SCFD2: variants seen among roughly 807,000 people sequenced by gnomAD.
SCFD2 encodes sec1 family domain-containing protein 2.
A neutral mutation model predicts 58.9 loss-of-function variants in SCFD2; 54 were observed. The observed-to-expected ratio is 0.92, with a 90% confidence interval of 0.74 to 1.15. The LOEUF (loss-of-function observed/expected upper bound fraction) is 1.15. Among genes scored for constraint, SCFD2 ranks in the 50% most tolerant of loss-of-function variants. The probability of loss-of-function intolerance (pLI) is 0.00; values close to 1 mark genes in which losing one functional copy is unlikely to be tolerated. For synonymous variants in SCFD2, 321 were observed against 335.9 expected (o/e 0.96, Z 0.49); for missense variants, 805 against 836.6 (o/e 0.96, Z 0.47).
chr4:53,081,619 T>C (rs1045397531), intron 5 of SCFD2, among the ~76,000 whole-genome samples: 1 of 152,210 alleles, frequency 6.6e-6, no homozygotes, highest in African/African-American at 2.4e-5. Context: ...GGATGACTTT[T>C]AGTTTGTTCA....
At chr4:53,107,076 AT>A (rs1560338634) in intron 5 of SCFD2, among the ~76,000 whole-genome samples, 1 of 152,208 alleles carries the variant, frequency 6.6e-6, no homozygotes, top group African/African-American at 2.4e-5. Context: ...AATATTCAAC[AT>A]TCTTAAAGAA....
At chr4:53,096,435 T>C (rs1442135963) in intron 5 of SCFD2, among the ~76,000 whole-genome samples, 2 of 152,226 alleles carry the variant, frequency 1.3e-5, no homozygotes, top group Admixed American at 1.3e-4. Context: ...TGGTATCTCA[T>C]TGTGGTTTTG....
chr4:53,135,740 C>CAA (rs527621179), intron 5 of SCFD2, among the ~76,000 whole-genome samples: 1 of 143,632 alleles, frequency 7.0e-6, no homozygotes, highest in East Asian at 2.0e-4. Flanking sequence ...GACTCCATCT[C>CAA]AAAAAAAAAA....
chr4:53,173,120 G>C (rs1727227564), intron 4 of SCFD2, among the ~76,000 whole-genome samples: 2 of 152,062 alleles, frequency 1.3e-5, no homozygotes, highest in South Asian at 4.2e-4. Flanking sequence ...TCTCTTTACA[G>C]TTTTTGACTT....
At chr4:53,052,819 C>A (rs1386665885) in intron 5 of SCFD2, among the ~76,000 whole-genome samples, 2 of 152,128 alleles carry the variant, frequency 1.3e-5, no homozygotes, top group Non-Finnish European at 2.9e-5. Flanking sequence ...ACAAACAAAG[C>A]TACTGCGACA....
At chr4:53,237,668 A>T (rs1729687453) in intron 4 of SCFD2, among the ~76,000 whole-genome samples, 1 of 120,424 alleles carries the variant, frequency 8.3e-6, no homozygotes, top group Admixed American at 8.0e-5. Context: ...TCCCTCCCGG[A>T]CGGGGCGGCT....
chr4:53,178,525 T>G (rs867291022), intron 4 of SCFD2, among the ~76,000 whole-genome samples: 1 of 151,684 alleles, frequency 6.6e-6, no homozygotes, highest in Non-Finnish European at 1.5e-5. Flanking sequence ...AGGCCAAAGG[T>G]AGATAAAACC....
At chr4:53,004,738 G>GACTTC (rs1721936137) in intron 5 of SCFD2, among the ~76,000 whole-genome samples, 1 of 152,060 alleles carries the variant, frequency 6.6e-6, no homozygotes. Flanking sequence ...AACTTCCTGT[G>GACTTC]GTGAATCCCC....
rs1466684760 is a variant in SCFD2 at position 53,258,561 on chromosome 4, TATATATATATATATATAC to T, written c.1311+15247_1311+15264del. On this transcript the variant is annotated intron_variant, in intron 4 of 8. Coordinates refer to ENST00000401642, the MANE Select transcript of SCFD2 (RefSeq NM_152540.4). Reference sequence around the variant, plus strand: ...GTGTATATATATATATATATATATATATATATATATATATATACACACACATATATACATAACACATTT... The same window carrying T: ...GTGTATATATATATATATATATATATACACACATATATACATAACACATTT... Among the ~76,000 whole-genome samples, 8 of 136,124 alleles carry T rather than the reference TATATATATATATATATAC, an allele frequency of 5.9e-5. 1 individual carries two copies. The highest frequency in any genetic ancestry group is 2.0e-4 in the African/African-American group (7 of 34,898). 89.3% of individuals were successfully genotyped at this position (136,124 alleles called of 152,430 possible).
At chr4:53,138,684 A>T (rs73143440) in intron 5 of SCFD2, among the ~76,000 whole-genome samples, 3,918 of 152,316 alleles carry the variant, frequency 0.026, 166 homozygotes, top group African/African-American at 0.09. Flanking sequence ...AAAAGTGAAC[A>T]GAATAAAAGT....
intron 5 of SCFD2, among the ~76,000 whole-genome samples, chr4:52,932,586 G>C (rs1402390434): frequency 6.6e-6 from 1 of 152,064 alleles, no homozygotes; most frequent in African/African-American, 2.4e-5. Context: ...AATAATATGG[G>C]ATTATTTTCT....
intron 5 of SCFD2, among the ~76,000 whole-genome samples, chr4:53,026,886 T>C (rs1272949398): frequency 2.0e-5 from 3 of 152,232 alleles, no homozygotes; most frequent in East Asian, 1.9e-4. Context: ...AAGTTGACAA[T>C]GGTTACTAAA....
At chr4:53,343,375 CACTT>C (rs1446543299) in intron 2 of SCFD2, among the ~76,000 whole-genome samples, 2 of 152,176 alleles carry the variant, frequency 1.3e-5, no homozygotes, top group African/African-American at 4.8e-5. Flanking sequence ...AATTCCTAGA[CACTT>C]ACACCCTCCC....
intron 4 of SCFD2, among the ~76,000 whole-genome samples, chr4:53,223,709 A>G (rs1280432984): frequency 2.0e-5 from 3 of 152,238 alleles, no homozygotes; most frequent in Non-Finnish European, 4.4e-5. Flanking sequence ...GCCACCGCAA[A>G]TAAGTCCACC....
chr4:53,251,671 C>G (rs1304149162), intron 4 of SCFD2, among the ~76,000 whole-genome samples: 1 of 151,966 alleles, frequency 6.6e-6, no homozygotes, highest in Non-Finnish European at 1.5e-5. Context: ...AGGCCTTTGA[C>G]AAAATTCAAC....
intron 4 of SCFD2, among the ~76,000 whole-genome samples, chr4:53,250,615 G>A (rs996489362): frequency 6.6e-6 from 1 of 152,228 alleles, no homozygotes; most frequent in South Asian, 2.1e-4. Flanking sequence ...CAACTACATG[G>A]AAACTGAGCA....
At chr4:52,979,111 T>C (rs938605723) in intron 5 of SCFD2, among the ~76,000 whole-genome samples, 12 of 151,368 alleles carry the variant, frequency 7.9e-5, no homozygotes, top group African/African-American at 2.7e-4. Context: ...AAATACATAA[T>C]TGGACCCAAA....
intron 5 of SCFD2, among the ~76,000 whole-genome samples, chr4:52,983,260 A>G (rs1721418087): frequency 6.6e-6 from 1 of 152,222 alleles, no homozygotes; most frequent in African/African-American, 2.4e-5. Flanking sequence ...GTCATTTCCA[A>G]CACCCATAGA....
chr4:52,906,861 G>C (rs970124472), intron 7 of SCFD2, among the ~76,000 whole-genome samples: 5 of 152,170 alleles, frequency 3.3e-5, no homozygotes, highest in Admixed American at 1.3e-4. Flanking sequence ...TTTAGATTTA[G>C]AAACTCTACA....
Sources: allele counts gnomAD v4.1 joint callset (sites outside exome capture counted in the v4.1 genomes callset), GRCh38; gene constraint gnomAD v4.1.1; transcripts MANE v1.5; gene names NCBI Gene and HGNC (gene_info 2026-07-23, HGNC 2026-07-21).